FRMD6: variants seen among roughly 807,000 people sequenced by gnomAD.
FRMD6 encodes the protein FERM domain containing 6.
In FRMD6, 37 loss-of-function variants were observed where a neutral mutation model predicts 73.2. That is an observed-to-expected ratio of 0.51 (90% CI 0.39 to 0.66). FRMD6 has a LOEUF of 0.66. Among genes scored for constraint, FRMD6 ranks in the 30% least tolerant of loss-of-function variants. The pLI, the probability that FRMD6 is intolerant of heterozygous loss-of-function variation, is 0.00. For missense variants in FRMD6, 714 were observed against 780.5 expected (o/e 0.91, Z 1.02); for synonymous variants, 273 against 282.2 (o/e 0.97, Z 0.33).
intron 1 of FRMD6, among the ~76,000 whole-genome samples, chr14:51,514,536 T>C (rs1328052652): frequency 6.6e-6 from 1 of 152,048 alleles, no homozygotes; most frequent in African/African-American, 2.4e-5. Flanking sequence ...AAAGATAAAA[T>C]GTGAGTAAGA....
chr14:51,560,069 A>T (rs1392899203), intron 1 of FRMD6, among the ~76,000 whole-genome samples: 4 of 151,852 alleles, frequency 2.6e-5, no homozygotes, highest in African/African-American at 4.8e-5. Context: ...TATACTTTAT[A>T]ATCATGTTGT....
intron 1 of FRMD6, among the ~76,000 whole-genome samples, chr14:51,540,384 A>G (rs1273883698): frequency 6.6e-6 from 1 of 152,158 alleles, no homozygotes; most frequent in Non-Finnish European, 1.5e-5. Flanking sequence ...TTCCTTATGC[A>G]TCTGAAATGG....
intron 2 of FRMD6, among the ~76,000 whole-genome samples, chr14:51,608,911 C>T (rs115347781): frequency 1.0e-3 from 156 of 152,264 alleles, no homozygotes; most frequent in African/African-American, 3.5e-3. Context: ...CAAATAAATG[C>T]ACTGGTGAGA....
chr14:51,647,519 T>A (rs533757066), upstream of FRMD6, among the ~76,000 whole-genome samples: 2 of 152,362 alleles, frequency 1.3e-5, no homozygotes, highest in East Asian at 3.9e-4. Context: ...CCATGTGAGA[T>A]TATTTTCTTT....
At chr14:51,405,523 G>A in the FRMD6 span, among the ~76,000 whole-genome samples, 2 of 151,498 alleles carry the variant, frequency 1.3e-5, no homozygotes, top group African/African-American at 2.4e-5. Flanking sequence ...GGTGTGAGAT[G>A]GTATCTCACT....
In FRMD6 at chr14:51,545,527, G is replaced by A. The variant is rs114558048; in HGVS notation, c.-209-24821G>A. On this transcript the variant is annotated intron_variant, in intron 1 of 14. Transcript: ENST00000356218. ...TTAAACTGTCAGTTGCTTGAAATCA[G>A]CCAGGGTGGGAGTATTTACACCACA... Among the ~76,000 whole-genome samples, 780 of 152,162 alleles carry A rather than the reference G, an allele frequency of 5.1e-3. 2 individuals carry two copies. The highest frequency in any genetic ancestry group is 0.017 in the African/African-American group (719 of 41,524).
At chr14:51,627,361 T>C (rs968346749) in intron 2 of FRMD6, among the ~76,000 whole-genome samples, 4 of 152,232 alleles carry the variant, frequency 2.6e-5, no homozygotes, top group Non-Finnish European at 4.4e-5. Flanking sequence ...TATAAGTGAC[T>C]GAAAAATAAT....
rs759751293 is a variant in FRMD6, at chr14:51,728,021, G to A, written c.1861G>A (p.Val621Ile). Reference protein sequence around the residue: ...DLTHDEVPEFVV With the variant: ...DLTHDEVPEFIV ...CACTCATGATGAAGTTCCAGAGTTTGTTGTGTAAAGTCCGTCTGTGTGCAG... is the reference window on the plus strand; with the variant it reads ...CACTCATGATGAAGTTCCAGAGTTTATTGTGTAAAGTCCGTCTGTGTGCAG... Residue 621 changes from valine to isoleucine, a missense_variant, in exon 14 of 14, where the codon GTT becomes ATT. Physicochemically the swap from Val to Ile is conservative, Grantham distance 29 (BLOSUM62 3). Transcript: ENST00000344768. 3 of 1,607,352 alleles carry A rather than the reference G, an allele frequency of 1.9e-6. No homozygotes were observed. The South Asian group carries it at 3.3e-5, about 18-fold the overall frequency.
the FRMD6 span, among the ~76,000 whole-genome samples, chr14:51,450,431 C>G: frequency 6.6e-6 from 1 of 152,136 alleles, no homozygotes; most frequent in Non-Finnish European, 1.5e-5. Context: ...GGTCTCTAAA[C>G]CATCAGTTCA....
intron 12 of FRMD6, among the ~76,000 whole-genome samples, chr14:51,724,650 G>A (rs1897843617): frequency 6.6e-6 from 1 of 152,018 alleles, no homozygotes; most frequent in Admixed American, 6.5e-5. Context: ...TGTTTCTAAA[G>A]AGTTAAGGGA....
chr14:51,710,189 G>T (rs531527358), intron 7 of FRMD6, among the ~76,000 whole-genome samples: 1 of 152,246 alleles, frequency 6.6e-6, no homozygotes, highest in East Asian at 1.9e-4. Context: ...ACTCTTATCT[G>T]CTAAAAAGAT....
chr14:51,619,012 C>T (rs1890817962), intron 2 of FRMD6, among the ~76,000 whole-genome samples: 2 of 151,330 alleles, frequency 1.3e-5, no homozygotes, highest in South Asian at 4.2e-4. Flanking sequence ...TGTTGTAAGA[C>T]AAAAAATATA....
At chr14:51,590,589 G>A (rs1476168001) in intron 2 of FRMD6, among the ~76,000 whole-genome samples, 2 of 152,078 alleles carry the variant, frequency 1.3e-5, no homozygotes, top group East Asian at 3.8e-4. Context: ...AAAACCCTAG[G>A]CCCAGATACT....
intron 1 of FRMD6, among the ~76,000 whole-genome samples, chr14:51,494,532 G>C (rs1029865784): frequency 5.3e-5 from 8 of 152,264 alleles, no homozygotes; most frequent in African/African-American, 1.7e-4. Context: ...ATCCACTGGA[G>C]TGGCAGTTCT....
intron 2 of FRMD6, among the ~76,000 whole-genome samples, chr14:51,573,467 TC>T (rs1888242317): frequency 6.6e-6 from 1 of 152,130 alleles, no homozygotes; most frequent in Non-Finnish European, 1.5e-5. Flanking sequence ...AAACAGATAT[TC>T]CAGGAATACA....
the FRMD6 span, among the ~76,000 whole-genome samples, chr14:51,398,307 G>A: frequency 2.0e-5 from 3 of 152,000 alleles, no homozygotes; most frequent in South Asian, 2.1e-4. Flanking sequence ...ATCCCCTCCC[G>A]TGAACACATA....
chr14:51,405,876 GT>G, the FRMD6 span, among the ~76,000 whole-genome samples: 1 of 152,164 alleles, frequency 6.6e-6, no homozygotes, highest in East Asian at 1.9e-4. Context: ...TGTTGTGATT[GT>G]TTTTGGTGTC....
At chr14:51,670,411 A>G (rs1408955080) in intron 1 of FRMD6, among the ~76,000 whole-genome samples, 1 of 152,164 alleles carries the variant, frequency 6.6e-6, no homozygotes, top group African/African-American at 2.4e-5. Flanking sequence ...AAAATAGTGT[A>G]CAGAGTCTCC....
At chr14:51,400,502 A>G in the FRMD6 span, among the ~76,000 whole-genome samples, 1 of 152,144 alleles carries the variant, frequency 6.6e-6, no homozygotes, top group Non-Finnish European at 1.5e-5. Context: ...CACCTAATTA[A>G]TCAGTATTTT....
Sources: allele counts gnomAD v4.1 joint callset (sites outside exome capture counted in the v4.1 genomes callset), GRCh38; gene constraint gnomAD v4.1.1; transcripts MANE v1.5; gene names NCBI Gene and HGNC (gene_info 2026-07-23, HGNC 2026-07-21).